DCAKD: variants seen among roughly 807,000 people sequenced by gnomAD.
DCAKD encodes the protein dephospho-CoA kinase domain-containing protein.
In DCAKD, 15 loss-of-function variants were observed where a neutral mutation model predicts 18.7. The ratio of observed to expected loss-of-function variants is 0.80; its 90% CI spans 0.54 to 1.24. DCAKD has a LOEUF of 1.24. Ranked by LOEUF, DCAKD falls within the 50% of genes most tolerant of loss-of-function variation. The pLI, the probability that DCAKD is intolerant of heterozygous loss-of-function variation, is 0.00. For missense variants in DCAKD, 301 were observed against 322.0 expected, an observed-to-expected ratio of 0.93 and a Z score of 0.50; for synonymous variants, 130 against 133.0, an observed-to-expected ratio of 0.98 and a Z score of 0.16.
chr17:45,038,512 A>C (rs922457729), intron 1 of DCAKD, among the ~76,000 whole-genome samples: 1 of 152,168 alleles, frequency 6.6e-6, no homozygotes, highest in Non-Finnish European at 1.5e-5. Context: ...AGGAATGAAA[A>C]ATTAATTTAC....
chr17:45,047,244 A>G (rs138508792), intron 1 of DCAKD, among the ~76,000 whole-genome samples: 1 of 152,226 alleles, frequency 6.6e-6, no homozygotes, highest in African/African-American at 2.4e-5. Flanking sequence ...TAAATATACA[A>G]ATAAACATGG....
chr17:45,032,711 G>A (rs1316666486), intron 3 of DCAKD, among the ~76,000 whole-genome samples: 2 of 151,268 alleles, frequency 1.3e-5, no homozygotes, highest in African/African-American at 2.4e-5. Context: ...TTGAACCCGG[G>A]AAGGGAGGTT....
chr17:45,030,250 C>T, intron 3 of DCAKD, 71 bp from the exon 4 acceptor site: 2 of 1,421,996 alleles, frequency 1.4e-6, no homozygotes, highest in Admixed American at 1.7e-5. Flanking sequence ...ATATGCTGGG[C>T]CCCACCGTCC....
chr17:45,052,498 G>A (rs1400747567), upstream of DCAKD, among the ~76,000 whole-genome samples: 2 of 152,062 alleles, frequency 1.3e-5, no homozygotes, highest in Non-Finnish European at 2.9e-5. Context: ...GTCCATACAA[G>A]CCTAGCAAGC....
At position 45,034,919 on chromosome 17, in the gene DCAKD, G is replaced by A. The variant is rs771134485; in HGVS notation, c.-34C>T. The A allele has an allele frequency of 1.1e-5, 18 of 1,608,298 alleles. No homozygotes were observed. The Admixed American group carries it at 1.3e-4, about 12-fold the overall frequency. On this transcript the variant is annotated 5_prime_UTR_variant, in exon 2 of 5. Transcript: ENST00000651974. ...AAAGAGAGCTGTCCGCGAGACTACG[G>A]AGCCAGGAGCTACAGAATCACTGGA...
At chr17:45,032,335 CA>C (rs2053187812) in intron 3 of DCAKD, among the ~76,000 whole-genome samples, 1 of 151,932 alleles carries the variant, frequency 6.6e-6, no homozygotes, top group Non-Finnish European at 1.5e-5. Flanking sequence ...GAGCCAGCTC[CA>C]GCCCGGACGG....
At chr17:45,036,798 G>C (rs976996783) in intron 1 of DCAKD, among the ~76,000 whole-genome samples, 4 of 152,180 alleles carry the variant, frequency 2.6e-5, no homozygotes, top group Admixed American at 1.3e-4. Context: ...TCCCAGGCTG[G>C]AAGCAATTAA....
At chr17:45,059,257 AAAG>A (rs2053822752) in intron 1 of DCAKD, among the ~76,000 whole-genome samples, 1 of 151,482 alleles carries the variant, frequency 6.6e-6, no homozygotes, top group Non-Finnish European at 1.5e-5. Flanking sequence ...CAGAAAAAAA[AAAG>A]AAAGAAAGAG....
intron 4 of DCAKD, among the ~76,000 whole-genome samples, chr17:45,029,731 A>G (rs968053926): frequency 1.3e-5 from 2 of 151,872 alleles, no homozygotes; most frequent in South Asian, 4.2e-4. Flanking sequence ...TGTCCTGACC[A>G]CCTCCCACTG....
Position 45,024,313 on chromosome 17 carries a change from G to A in DCAKD, c.*120C>T. The A allele has an allele frequency of 1.7e-6, 1 of 598,864 alleles. No homozygotes were observed. The highest frequency in any genetic ancestry group is 2.6e-6 in the Non-Finnish European group (1 of 379,486). The allele number at this position is 598,864 out of a possible 1,614,324, so 37.1% of individuals were successfully genotyped here. A position where few individuals can be genotyped will look rare whatever the true frequency, so the allele number is the denominator to read the frequency against. ...TGTGTGTGTGTGTGTGTGTGTGTGT[G>A]TGTGTGTGTGTGTGTGTGTGTGTGT... On this transcript the variant is annotated 3_prime_UTR_variant, in exon 5 of 5. Transcript: ENST00000651974.
intron 1 of DCAKD, among the ~76,000 whole-genome samples, chr17:45,057,423 C>G (rs551130017): frequency 6.6e-6 from 1 of 150,814 alleles, no homozygotes; most frequent in African/African-American, 2.4e-5. Flanking sequence ...AAGCTCTCGG[C>G]TGGGCGCAGT....
rs576884231 is a variant in DCAKD, at chr17:45,047,461, T to G, written c.-115+3900A>C. Among the ~76,000 whole-genome samples the G allele has an allele frequency of 2.6e-5, 4 of 151,706 alleles. No individual in the cohort carries two copies. In the East Asian group the frequency reaches 5.8e-4, roughly 22 times the overall value. ...ACACGCCCGGCTAATTTTTAAAAAT[T>G]TTTTGTAGAGATGAGGTTTTGCTGG... On this transcript the variant is annotated intron_variant, in intron 1 of 4. Coordinates refer to ENST00000651974, the MANE Select transcript of DCAKD (RefSeq NM_001288655.2).
At chr17:45,035,477 T>G (rs1227191101) in intron 1 of DCAKD, among the ~76,000 whole-genome samples, 1 of 112,502 alleles carries the variant, frequency 8.9e-6, no homozygotes, top group Non-Finnish European at 1.9e-5. Context: ...ACCAGATTCC[T>G]TCTAAAAAAA....
intron 3 of DCAKD, chr17:45,033,842 T>C (rs1237848142): frequency 8.1e-7 from 1 of 1,228,934 alleles, no homozygotes; most frequent in East Asian, 4.9e-5. Flanking sequence ...GTCACACAGC[T>C]AGAAAGTCAG....
intron 1 of DCAKD, among the ~76,000 whole-genome samples, chr17:45,049,968 T>C (rs573817404): frequency 4.6e-5 from 7 of 151,938 alleles, no homozygotes; most frequent in South Asian, 4.2e-4. Flanking sequence ...GTGATCTGCC[T>C]GCCTCAGCCT....
rs1014143619 is a variant in DCAKD at position 45,024,243 on chromosome 17, C to T, written c.*190G>A. ...TCTCAAATAGGATACACTCCAAAGA[C>T]GGGATGGCCTGGCACAGAGGCCCAG... On this transcript the variant is annotated 3_prime_UTR_variant, in exon 5 of 5. Transcript: ENST00000651974. 35 of 700,758 alleles carry T rather than the reference C, an allele frequency of 5.0e-5. No individual in the cohort carries two copies. The highest frequency in any genetic ancestry group is 4.4e-4 in the Admixed American group (15 of 33,712). The allele number at this position is 700,758 out of a possible 1,614,324, so 43.4% of individuals were successfully genotyped here.
chr17:45,043,761 C>G (rs1458261042), intron 1 of DCAKD, among the ~76,000 whole-genome samples: 2 of 152,114 alleles, frequency 1.3e-5, no homozygotes, highest in South Asian at 4.1e-4. Context: ...GAATGTTTTT[C>G]TATACAATTC....
upstream of DCAKD, among the ~76,000 whole-genome samples, chr17:45,053,956 C>T (rs1254040178): frequency 6.6e-6 from 1 of 152,122 alleles, no homozygotes; most frequent in Non-Finnish European, 1.5e-5. Flanking sequence ...AGGAATCTTG[C>T]CTATCTACTA....
chr17:45,028,171 C>G (rs1478583343), intron 4 of DCAKD, among the ~76,000 whole-genome samples: 2 of 148,752 alleles, frequency 1.3e-5, no homozygotes, highest in Non-Finnish European at 3.0e-5. Context: ...TGCAGTGGTG[C>G]GATCTCAGCT....
Sources: allele counts gnomAD v4.1 joint callset (sites outside exome capture counted in the v4.1 genomes callset), GRCh38; gene constraint gnomAD v4.1.1; transcripts MANE v1.5; gene names NCBI Gene and HGNC (gene_info 2026-07-23, HGNC 2026-07-21).